COL26A1: variants seen among roughly 807,000 people sequenced by gnomAD.
The protein encoded by COL26A1 is collagen type XXVI alpha 1 chain, also known as collagen alpha-1(XXVI) chain.
In COL26A1, 41 loss-of-function variants were observed where a neutral mutation model predicts 59.3. The observed-to-expected ratio is 0.69, with a 90% CI of 0.54 to 0.90. The LOEUF is 0.90. Ranked by LOEUF, COL26A1 falls within the 40% of genes least tolerant of loss-of-function variation. The probability of loss-of-function intolerance (pLI) is 0.00; values close to 1 mark genes in which losing one functional copy is unlikely to be tolerated. For synonymous variants in COL26A1, 266 were observed against 256.0 expected (o/e 1.04, Z -0.37); for missense variants, 612 against 602.3 (o/e 1.02, Z -0.17).
At chr7:101,508,661 G>A (rs1584472916) in intron 3 of COL26A1, among the ~76,000 whole-genome samples, 1 of 151,980 alleles carries the variant, frequency 6.6e-6, no homozygotes, top group East Asian at 1.9e-4. Context: ...TTATTTACAG[G>A]AACCCTCAGA....
intron 10 of COL26A1, 87 bp downstream of exon 10, chr7:101,551,230 T>TGGGGGGGGGTGGGG: frequency 2.6e-5 from 3 of 113,776 alleles, no homozygotes; most frequent in South Asian, 1.0e-4. Context: ...CGGGGGTTGG[T>TGGGGGGGGGTGGGG]GGGGGGGTTC....
chr7:101,505,191 G>T (rs865910325), intron 3 of COL26A1, among the ~76,000 whole-genome samples: 1 of 149,098 alleles, frequency 6.7e-6, no homozygotes, highest in Non-Finnish European at 1.5e-5. Flanking sequence ...TGTTGGGTGG[G>T]TGTGCCCGTG....
intron 1 of COL26A1, among the ~76,000 whole-genome samples, chr7:101,365,824 A>G (rs1443126383): frequency 6.6e-6 from 1 of 152,072 alleles, no homozygotes; most frequent in Non-Finnish European, 1.5e-5. Context: ...GGGAAGGAAA[A>G]AAAAAAAGGT....
chr7:101,551,248 G>C (rs1358580184), intron 10 of COL26A1, 105 bp downstream of exon 10: 8 of 1,104,296 alleles, frequency 7.2e-6, no homozygotes, highest in Non-Finnish European at 1.1e-5. Context: ...TTCAGCCCTG[G>C]GTGGCCCTGC....
At chr7:101,375,106 G>A (rs1281053776) in intron 1 of COL26A1, among the ~76,000 whole-genome samples, 1 of 151,994 alleles carries the variant, frequency 6.6e-6, no homozygotes, top group Non-Finnish European at 1.5e-5. Flanking sequence ...GGAAGGCTGT[G>A]AAGAGTAGGA....
chr7:101,510,109 A>G (rs1652371049), intron 3 of COL26A1, among the ~76,000 whole-genome samples: 1 of 148,876 alleles, frequency 6.7e-6, no homozygotes, highest in Non-Finnish European at 1.5e-5. Flanking sequence ...GCAGCCTCCA[A>G]TTCCTGGACT....
chr7:101,502,927 G>A (rs530952914), intron 3 of COL26A1, among the ~76,000 whole-genome samples: 15 of 152,300 alleles, frequency 9.8e-5, no homozygotes, highest in Non-Finnish European at 2.9e-5. Flanking sequence ...TCCGCCCAGT[G>A]ACTTTGGGTC....
chr7:101,376,137 C>T (rs998330139), intron 1 of COL26A1, among the ~76,000 whole-genome samples: 1 of 132,394 alleles, frequency 7.6e-6, no homozygotes, highest in African/African-American at 3.0e-5. Context: ...CCTGTATCTA[C>T]AAAAAAAAAA....
intron 3 of COL26A1, among the ~76,000 whole-genome samples, chr7:101,503,124 T>C (rs1794739050): frequency 6.6e-6 from 1 of 152,130 alleles, no homozygotes; most frequent in Admixed American, 6.6e-5. Flanking sequence ...TGTGATTTCT[T>C]CTCTCATCAG....
At chr7:101,383,689 CG>C (rs1340225505) in intron 1 of COL26A1, among the ~76,000 whole-genome samples, 3 of 152,290 alleles carry the variant, frequency 2.0e-5, no homozygotes, top group African/African-American at 7.2e-5. Flanking sequence ...CATGTGCCAC[CG>C]TGCCCAGCTA....
intron 10 of COL26A1, 87 bp downstream of exon 10, chr7:101,551,230 T>TGGGGGGGTGTGGGG: frequency 8.8e-6 from 1 of 113,778 alleles, no homozygotes; most frequent in East Asian, 1.3e-4. Context: ...CGGGGGTTGG[T>TGGGGGGGTGTGGGG]GGGGGGGTTC....
intron 1 of COL26A1, among the ~76,000 whole-genome samples, chr7:101,375,116 A>C (rs1297372431): frequency 6.6e-6 from 1 of 152,014 alleles, no homozygotes; most frequent in Non-Finnish European, 1.5e-5. Flanking sequence ...GAAGAGTAGG[A>C]TCTGGAACCA....
At chr7:101,460,786 GA>G (rs113334482) in intron 3 of COL26A1, among the ~76,000 whole-genome samples, 24,820 of 133,054 alleles carry the variant, frequency 0.19, 2,354 homozygotes, top group African/African-American at 0.26. Context: ...ATCTCAGGAA[GA>G]AAAAAAAAAA....
intron 3 of COL26A1, among the ~76,000 whole-genome samples, chr7:101,474,116 A>G (rs1213386665): frequency 1.3e-5 from 2 of 152,050 alleles, no homozygotes; most frequent in Non-Finnish European, 2.9e-5. Context: ...TTTCCCAGTA[A>G]CCCTGGGCAG....
intron 3 of COL26A1, among the ~76,000 whole-genome samples, chr7:101,525,549 T>A (rs868720047): frequency 1.3e-5 from 2 of 149,482 alleles, no homozygotes; most frequent in Non-Finnish European, 3.0e-5. Flanking sequence ...CAGGCTGGAG[T>A]GCAGTGGCAT....
Position 101,396,218 on chromosome 7 carries a change from A to C in COL26A1, c.159-23759A>C, listed in dbSNP as rs545068553. On this transcript the variant is annotated intron_variant, in intron 1 of 12. Coordinates refer to ENST00000313669, the MANE Select transcript of COL26A1 (RefSeq NM_001278563.3). ...AGGAGGTTGAGGCTGCAGTGAGCCGAGATCGCACCACTGCACTCCAGTCTG... is the reference window on the plus strand; with the variant it reads ...AGGAGGTTGAGGCTGCAGTGAGCCGCGATCGCACCACTGCACTCCAGTCTG... Among the ~76,000 whole-genome samples the C allele has an allele frequency of 6.6e-5, 10 of 152,114 alleles. 1 individual carries two copies. In the South Asian group the frequency reaches 2.1e-3, roughly 32 times the overall value.
intron 2 of COL26A1, among the ~76,000 whole-genome samples, chr7:101,446,350 CT>C (rs978686241): frequency 6.6e-6 from 1 of 152,182 alleles, no homozygotes; most frequent in African/African-American, 2.4e-5. Context: ...GTTTACCTCC[CT>C]CTTAGAGAAC....
intron 1 of COL26A1, among the ~76,000 whole-genome samples, chr7:101,383,177 C>G (rs1487154377): frequency 6.6e-6 from 1 of 152,030 alleles, no homozygotes; most frequent in East Asian, 1.9e-4. Flanking sequence ...TGAAAGGACT[C>G]TTTTGTTCCT....
At chr7:101,515,987 C>T (rs77244713) in intron 3 of COL26A1, among the ~76,000 whole-genome samples, 10,276 of 152,236 alleles carry the variant, frequency 0.068, 466 homozygotes, top group Non-Finnish European at 0.096. Context: ...GAGGGGGATG[C>T]TTTGTAACGC....
Sources: allele counts gnomAD v4.1 joint callset (sites outside exome capture counted in the v4.1 genomes callset), GRCh38; gene constraint gnomAD v4.1.1; transcripts MANE v1.5; gene names NCBI Gene and HGNC (gene_info 2026-07-23, HGNC 2026-07-21).